The following SYN3 variants were observed in gnomAD, a reference collection of about 807,000 sequenced individuals.
SYN3 encodes the protein synapsin-3.
In SYN3, 35 loss-of-function variants were observed where a neutral mutation model predicts 65.8. The ratio of observed to expected loss-of-function variants is 0.53; its 90% CI spans 0.41 to 0.70. The LOEUF (loss-of-function observed/expected upper bound fraction) is 0.70. Ranked by LOEUF, SYN3 falls within the 30% of genes least tolerant of loss-of-function variation. The pLI, the probability that SYN3 is intolerant of heterozygous loss-of-function variation, is 0.00. For synonymous variants in SYN3, 270 were observed against 292.9 expected (o/e 0.92, Z 0.80); for missense variants, 680 against 749.0 (o/e 0.91, Z 1.08).
chr22:32,690,266 C>A (rs374507027), intron 6 of SYN3, among the ~76,000 whole-genome samples: 1 of 152,192 alleles, frequency 6.6e-6, no homozygotes, highest in East Asian at 1.9e-4. Flanking sequence ...AATAAACAAA[C>A]CCTCACAAGA....
intron 1 of SYN3, among the ~76,000 whole-genome samples, chr22:33,035,314 A>G (rs1173698534): frequency 2.0e-5 from 3 of 147,374 alleles, no homozygotes; most frequent in African/African-American, 7.4e-5. Flanking sequence ...TGGAAAGAAA[A>G]ATTAAAAATC....
At chr22:32,517,915 C>G in intron 13 of SYN3, 128 bp downstream of exon 13, 1 of 1,054,562 alleles carries the variant, frequency 9.5e-7, no homozygotes, top group South Asian at 3.2e-5. Flanking sequence ...CCTGTTTTTA[C>G]CTATTTGAAG....
intron 12 of SYN3, among the ~76,000 whole-genome samples, chr22:32,522,212 CGTT>C (rs1487845414): frequency 1.3e-5 from 2 of 152,130 alleles, no homozygotes; most frequent in East Asian, 1.9e-4. Flanking sequence ...TCAATGAAAG[CGTT>C]GTTTTTCATT....
At chr22:32,761,205 G>A (rs1367468016) in intron 6 of SYN3, among the ~76,000 whole-genome samples, 3 of 152,196 alleles carry the variant, frequency 2.0e-5, no homozygotes, top group Non-Finnish European at 4.4e-5. Context: ...GTGACCCAGT[G>A]CCGGTTACTG....
intron 6 of SYN3, among the ~76,000 whole-genome samples, chr22:32,642,285 A>C (rs1270463205): frequency 2.6e-5 from 4 of 151,734 alleles, no homozygotes; most frequent in Non-Finnish European, 5.9e-5. Context: ...GCAGGACTCC[A>C]TTTAAAAAAA....
At chr22:32,855,148 G>A (rs1210758899) in intron 6 of SYN3, among the ~76,000 whole-genome samples, 2 of 152,202 alleles carry the variant, frequency 1.3e-5, no homozygotes, top group African/African-American at 4.8e-5. Flanking sequence ...GCTTGTGTAC[G>A]CTGAGAACTG....
At chr22:33,045,492 G>A (rs1340749244) in intron 1 of SYN3, among the ~76,000 whole-genome samples, 2 of 113,956 alleles carry the variant, frequency 1.8e-5, no homozygotes, top group African/African-American at 6.6e-5. Flanking sequence ...TTTTGAGATG[G>A]AGTCTCGCTC....
chr22:32,600,120 A>G (rs2059260679), intron 6 of SYN3, among the ~76,000 whole-genome samples: 1 of 152,120 alleles, frequency 6.6e-6, no homozygotes, highest in South Asian at 2.1e-4. Flanking sequence ...TACATGATGA[A>G]ATAATTACAC....
At chr22:32,680,077 A>G (rs1030904052) in intron 6 of SYN3, among the ~76,000 whole-genome samples, 23 of 152,134 alleles carry the variant, frequency 1.5e-4, no homozygotes, top group African/African-American at 5.5e-4. Flanking sequence ...CATGTAATAG[A>G]GGTTCAGGTA....
intron 6 of SYN3, among the ~76,000 whole-genome samples, chr22:32,692,485 C>T (rs963273204): frequency 2.0e-5 from 3 of 152,330 alleles, no homozygotes; most frequent in Admixed American, 2.0e-4. Context: ...TGCATTCAGG[C>T]CCTGGGACGA....
Position 32,528,116 on chromosome 22 carries a change from C to T in SYN3, c.1231-111G>A, listed in dbSNP as rs924996302. 226 of 847,542 alleles carry T rather than the reference C, an allele frequency of 2.7e-4. 7 individuals carry two copies. The South Asian group carries it at 3.7e-3, about 14-fold the overall frequency. 52.5% of individuals were successfully genotyped at this position (847,542 alleles called of 1,614,324 possible). A position where few individuals can be genotyped will look rare whatever the true frequency, so the allele number is the denominator to read the frequency against. On this transcript the variant is annotated intron_variant, in intron 11 of 13. Transcript: ENST00000358763. ...TTATCATTGAGAAGAGACTCTTACA[C>T]ATAAAGTGTACAGTTCTGGAGTATA...
rs2047762803 is a variant in SYN3 at position 32,837,339 on chromosome 22, C to T, written c.711+27576G>A. 6.6e-6 allele frequency among the ~76,000 whole-genome samples: 1 copy of T among 152,166 alleles called. No individual in the cohort carries two copies. Among genetic ancestry groups the T allele is most frequent in the Non-Finnish European group, 1.5e-5 (1 of 68,048 alleles). On this transcript the variant is annotated intron_variant, in intron 6 of 13. Coordinates refer to ENST00000358763, the MANE Select transcript of SYN3 (RefSeq NM_003490.4). This position sits in a 1 kb window ranked among gnomAD's most constrained non-coding sequence, Gnocchi z 4.1. The stretch of plus-strand genomic sequence containing the variant: ...CAGGGGATAGGGGGTGGTCTCAGCC[C>T]CCCTCACCGAGTGCACTTGCATGGC...
chr22:33,045,067 T>A (rs932395734), intron 1 of SYN3, among the ~76,000 whole-genome samples: 6 of 152,292 alleles, frequency 3.9e-5, no homozygotes, highest in African/African-American at 1.4e-4. Flanking sequence ...GTTCTCGAAC[T>A]CCCAACCTCA....
intron 6 of SYN3, among the ~76,000 whole-genome samples, chr22:32,731,284 T>C (rs1383521370): frequency 1.3e-5 from 2 of 152,210 alleles, no homozygotes; most frequent in Non-Finnish European, 2.9e-5. Context: ...CGGCTTCAGA[T>C]GCCATGCCAG....
chr22:32,568,170 A>G (rs1263661031), intron 7 of SYN3, among the ~76,000 whole-genome samples: 7 of 152,174 alleles, frequency 4.6e-5, no homozygotes, highest in African/African-American at 1.4e-4. Context: ...GAATGACACC[A>G]GCCTGGGCTC....
At chr22:32,734,327 A>G (rs1339225257) in intron 6 of SYN3, among the ~76,000 whole-genome samples, 1 of 152,166 alleles carries the variant, frequency 6.6e-6, no homozygotes, top group Non-Finnish European at 1.5e-5. Flanking sequence ...CTTAACCACC[A>G]CCTTCATCTC....
In SYN3 at chr22:32,988,307, A is replaced by AATAAT. The variant is rs2052590967; in HGVS notation, c.312-7606_312-7605insATTAT. The stretch of plus-strand genomic sequence containing the variant: ...GGCAACAGAGCAAGACTCTGTCTCA[A>AATAAT]AATAATAATAATAATAATAATAATA... On this transcript the variant is annotated intron_variant, in intron 2 of 13. Transcript: ENST00000358763. 4.6e-3 allele frequency among the ~76,000 whole-genome samples: 655 copies of AATAAT among 142,606 alleles called. 2 individuals are homozygous for AATAAT. The highest frequency in any genetic ancestry group is 0.021 in the South Asian group (91 of 4,400). The allele number at this position is 142,606 out of a possible 152,430, so 93.6% of individuals were successfully genotyped here.
intron 6 of SYN3, among the ~76,000 whole-genome samples, chr22:32,602,258 C>T (rs770436892): frequency 6.6e-6 from 1 of 152,158 alleles, no homozygotes; most frequent in Non-Finnish European, 1.5e-5. Context: ...AATCTCACCT[C>T]CCCAGTGTGT....
chr22:32,912,526 C>T (rs909790504), intron 4 of SYN3, among the ~76,000 whole-genome samples: 12 of 151,840 alleles, frequency 7.9e-5, no homozygotes, highest in African/African-American at 1.9e-4. Context: ...GACAAGCCTG[C>T]GCAACATAGT....
Sources: allele counts gnomAD v4.1 joint callset (sites outside exome capture counted in the v4.1 genomes callset), GRCh38; gene constraint gnomAD v4.1.1; non-coding constraint Gnocchi (gnomAD v3.1); transcripts MANE v1.5; gene names NCBI Gene and HGNC (gene_info 2026-07-23, HGNC 2026-07-21).